Variants in DEFB134 observed in about 807,000 individuals in gnomAD.
DEFB134 encodes the protein beta-defensin 134.
DEFB134 carries 7 observed loss-of-function variants against 7.4 expected under a neutral mutation model. The ratio of observed to expected loss-of-function variants is 0.95; its 90% CI spans 0.54 to 1.79. DEFB134 has a LOEUF of 1.79. Ranked by LOEUF, DEFB134 falls within the 40% of genes most tolerant of loss-of-function variation. The pLI is 0.00. For missense variants in DEFB134, 105 were observed against 74.8 expected, an observed-to-expected ratio of 1.40 and a Z score of -1.49; for synonymous variants, 33 against 25.0, an observed-to-expected ratio of 1.32 and a Z score of -0.96.
chr8:11,999,809 G>C (rs558160673), upstream of DEFB134, among the ~76,000 whole-genome samples: 2 of 152,138 alleles, frequency 1.3e-5, no homozygotes, highest in African/African-American at 4.8e-5. Context: ...GGAGATGTGC[G>C]CATCATTTGA....
upstream of DEFB134, chr8:11,999,265 C>G (rs1800208281): frequency 9.6e-6 from 2 of 208,348 alleles, no homozygotes; most frequent in Non-Finnish European, 2.1e-5. Flanking sequence ...TAAAGAATTA[C>G]TGGCTGAGGC....
intron 1 of DEFB134, among the ~76,000 whole-genome samples, chr8:11,995,590 C>A (rs1225897764): frequency 6.6e-6 from 1 of 152,200 alleles, no homozygotes; most frequent in African/African-American, 2.4e-5. Flanking sequence ...ACATAAAGCT[C>A]AGTGATTCTC....
At chr8:11,998,139 G>T (rs1482164790), upstream of DEFB134, among the ~76,000 whole-genome samples, 1 of 152,068 alleles carries the variant, frequency 6.6e-6, no homozygotes, top group African/African-American at 2.4e-5. Context: ...TAAAATTAAG[G>T]CAGAAATCAA....
exon 1 of DEFB134, chr8:11,996,224 A>G (rs775126708): frequency 1.2e-6 from 2 of 1,613,826 alleles, no homozygotes; most frequent in Non-Finnish European, 1.7e-6. Context: ...AGGAAAAGAA[A>G]GACAAACACA....
upstream of DEFB134, among the ~76,000 whole-genome samples, chr8:12,000,311 A>G (rs1204396642): frequency 6.6e-6 from 1 of 152,196 alleles, no homozygotes; most frequent in African/African-American, 2.4e-5. Flanking sequence ...AAATCCGAGT[A>G]GATTCCATGA....
chr8:11,999,047 C>G (rs1800200389), upstream of DEFB134: 1 of 153,532 alleles, frequency 6.5e-6, no homozygotes, highest in African/African-American at 2.4e-5. Flanking sequence ...TAGTAAAAAA[C>G]CTACCAAACA....
At chr8:11,996,855 A>G (rs78497561), upstream of DEFB134, among the ~76,000 whole-genome samples, 1,790 of 152,336 alleles carry the variant, frequency 0.012, 38 homozygotes, top group African/African-American at 0.04. Flanking sequence ...TAAGTGTTGC[A>G]CAATATTTTG....
chr8:11,998,587 AAGTT>A (rs1396556602), upstream of DEFB134, among the ~76,000 whole-genome samples: 1 of 152,168 alleles, frequency 6.6e-6, no homozygotes, highest in African/African-American at 2.4e-5. Context: ...CTACACCAAA[AAGTT>A]AGAGAGATCT....
At chr8:12,000,240 T>C (rs1013003558), upstream of DEFB134, among the ~76,000 whole-genome samples, 1 of 152,224 alleles carries the variant, frequency 6.6e-6, no homozygotes, top group Non-Finnish European at 1.5e-5. Flanking sequence ...TTCCTTTTTT[T>C]TTCATAGCAC....
intron 1 of DEFB134, among the ~76,000 whole-genome samples, chr8:11,995,866 T>C (rs1271780667): frequency 1.3e-5 from 2 of 152,052 alleles, no homozygotes; most frequent in South Asian, 2.1e-4. Context: ...ATTCCATACA[T>C]GATCTGATTT....
exon 2 of DEFB134, chr8:11,993,810 C>G: frequency 1.2e-6 from 1 of 854,100 alleles, no homozygotes; most frequent in Non-Finnish European, 1.7e-6. Context: ...AAGGCTACAG[C>G]TCAGCTCTTT....
chr8:11,994,596 C>G (rs572409114), intron 1 of DEFB134, among the ~76,000 whole-genome samples: 1 of 152,296 alleles, frequency 6.6e-6, no homozygotes, highest in South Asian at 2.1e-4. Context: ...ATTTTGTTAT[C>G]GCAGCCCAAG....
At chr8:11,996,900 A>G (rs1475531427), upstream of DEFB134, among the ~76,000 whole-genome samples, 1 of 152,260 alleles carries the variant, frequency 6.6e-6, no homozygotes. Flanking sequence ...ACTATTTAAA[A>G]AAACATTTTT....
upstream of DEFB134, among the ~76,000 whole-genome samples, chr8:11,998,331 G>C (rs1800178925): frequency 2.0e-5 from 3 of 151,900 alleles, no homozygotes; most frequent in Admixed American, 2.0e-4. Flanking sequence ...CACGACTGTA[G>C]TCCCAATTAC....
chr8:11,996,231 CACA>C (rs770856455), exon 1 of DEFB134: 16 of 1,613,730 alleles, frequency 9.9e-6, no homozygotes, highest in Non-Finnish European at 1.4e-5. Flanking sequence ...GAAAGACAAA[CACA>C]ACAAGGAGAG....
exon 2 of DEFB134, chr8:11,993,264 G>C (rs1259241836): frequency 6.6e-6 from 1 of 152,244 alleles, no homozygotes; most frequent in Non-Finnish European, 1.5e-5. Context: ...CCATCCAGAG[G>C]AGTCAGATGA....
chr8:11,996,154 A>G, intron 1 of DEFB134, 40 bp downstream of exon 2: 1 of 1,610,640 alleles, frequency 6.2e-7, no homozygotes, highest in Non-Finnish European at 8.5e-7. Context: ...TTGTTCTTCT[A>G]TATGAAGCAC....
chr8:11,999,425 C>G, upstream of DEFB134: 1 of 164,654 alleles, frequency 6.1e-6, no homozygotes, highest in Admixed American at 5.9e-5. Flanking sequence ...ATACTTTTAT[C>G]TATGTTGATA....
exon 2 of DEFB134, chr8:11,993,847 G>C: frequency 8.3e-7 from 1 of 1,203,482 alleles, no homozygotes; most frequent in Non-Finnish European, 1.1e-6. Flanking sequence ...GAGTCTGCTG[G>C]CCTATAAAAA....
Sources: gnomAD v4.1 joint callset for allele counts (sites outside exome capture counted in the v4.1 genomes callset) on GRCh38, gnomAD v4.1.1 for gene constraint, MANE v1.5 for transcripts, NCBI Gene and HGNC (gene_info 2026-07-23, HGNC 2026-07-21) for gene names.